Variants in RGS12 observed in about 807,000 individuals in gnomAD.
RGS12 encodes the protein regulator of G protein signaling 12.
RGS12 carries 66 observed loss-of-function variants against 120.1 expected under a neutral mutation model. The observed-to-expected ratio is 0.55, with a 90% CI of 0.45 to 0.67. The LOEUF is 0.67. RGS12 is among the 30% of genes least tolerant of loss of function. RGS12 has a pLI of 0.00. For synonymous variants in RGS12, 827 were observed against 804.7 expected, an observed-to-expected ratio of 1.03 and a Z score of -0.47; for missense variants, 1,859 against 1,957.7, an observed-to-expected ratio of 0.95 and a Z score of 0.95.
At chr4:3,347,473 A>T (rs1220647572) in intron 3 of RGS12, among the ~76,000 whole-genome samples, 1 of 152,210 alleles carries the variant, frequency 6.6e-6, no homozygotes, top group East Asian at 1.9e-4. Flanking sequence ...ACATCCTTAG[A>T]TCTGGAAAAC....
intron 17 of RGS12, chr4:3,431,214 A>G: frequency 7.4e-7 from 1 of 1,359,900 alleles, no homozygotes; most frequent in South Asian, 1.7e-5. Context: ...TCTTGCAGGA[A>G]TGATACGTGG....
At chr4:3,363,639 A>G (rs881816) in intron 3 of RGS12, among the ~76,000 whole-genome samples, 107,529 of 152,008 alleles carry the variant, frequency 0.71, 39,796 homozygotes, top group African/African-American at 0.93. Context: ...CACCCGGCGC[A>G]CACTGCAGGG....
chr4:3,326,944 G>C (rs6841189), intron 2 of RGS12, among the ~76,000 whole-genome samples: 1 of 152,032 alleles, frequency 6.6e-6, no homozygotes, highest in Non-Finnish European at 1.5e-5. Context: ...AATTTTTCAC[G>C]GAAGTAGAAA....
chr4:3,343,934 G>A (rs1713527625), intron 3 of RGS12, among the ~76,000 whole-genome samples: 1 of 152,200 alleles, frequency 6.6e-6, no homozygotes, highest in East Asian at 1.9e-4. Context: ...CCTTTTACTT[G>A]TTGTATGGCA....
intron 17 of RGS12, among the ~76,000 whole-genome samples, chr4:3,438,044 G>A (rs1724976289): frequency 6.6e-6 from 1 of 152,188 alleles, no homozygotes; most frequent in African/African-American, 2.4e-5. Flanking sequence ...GTAGATCGAG[G>A]AGGGTCTTCA....
chr4:3,349,640 T>C (rs1048430526), intron 3 of RGS12, among the ~76,000 whole-genome samples: 2 of 152,170 alleles, frequency 1.3e-5, no homozygotes, highest in African/African-American at 4.8e-5. Flanking sequence ...TACTGAAATA[T>C]ATATATGTAA....
intron 17 of RGS12, among the ~76,000 whole-genome samples, chr4:3,435,679 C>T (rs1724745005): frequency 6.6e-6 from 1 of 152,128 alleles, no homozygotes; most frequent in South Asian, 2.1e-4. Flanking sequence ...TCCACAGCCC[C>T]CAGCCTGGTT....
chr4:3,359,942 G>T (rs767685482), intron 3 of RGS12, among the ~76,000 whole-genome samples: 9 of 152,022 alleles, frequency 5.9e-5, no homozygotes, highest in Non-Finnish European at 1.2e-4. Flanking sequence ...CATTTTTTTT[G>T]TAGAGCTGGA....
At position 3,307,497 on chromosome 4, in the gene RGS12, C is replaced by G. The variant is rs571165638; in HGVS notation, c.-101-8573C>G. Among the ~76,000 whole-genome samples the G allele has an allele frequency of 4.6e-5, 7 of 152,324 alleles. 1 individual carries two copies. Among genetic ancestry groups the G allele is most frequent in the African/African-American group, 1.7e-4 (7 of 41,570 alleles). On this transcript the variant is annotated intron_variant, in intron 1 of 17. Transcript: ENST00000336727. ...CCCTCTTACTTTTACTTTTTTAGTA[C>G]AAAAAAGTTCTTTTTAGAAAATGTA...
intron 17 of RGS12, among the ~76,000 whole-genome samples, chr4:3,434,287 C>A (rs4690013): frequency 0.37 from 56,724 of 151,892 alleles, 10,885 homozygotes; most frequent in East Asian, 0.46. Flanking sequence ...CATGGGGGGA[C>A]CTGCCCCCAT....
At position 3,374,503 on chromosome 4, in the gene RGS12, T is replaced by C. The variant is rs1251100892; in HGVS notation, c.1999-11913T>C. 6.6e-6 allele frequency among the ~76,000 whole-genome samples: 1 copy of C among 151,960 alleles called. No homozygotes were observed. The highest frequency in any genetic ancestry group is 2.4e-5 in the African/African-American group (1 of 41,354). ...GTGACAGGTCCACATCTTCTCACCG[T>C]CTCTCCTCGGACATCCAGGAGGCCC... On this transcript the variant is annotated intron_variant, in intron 3 of 17. Transcript: ENST00000336727. This position sits in a 1 kb window ranked among gnomAD's most constrained non-coding sequence, Gnocchi z 6.3.
At chr4:3,392,702 A>G (rs1042429571) in intron 4 of RGS12, among the ~76,000 whole-genome samples, 27 of 152,052 alleles carry the variant, frequency 1.8e-4, no homozygotes, top group African/African-American at 6.3e-4. Flanking sequence ...AACCCCAAAA[A>G]TGTTGGCTGG....
At chr4:3,354,988 C>A (rs1332658345) in intron 3 of RGS12, among the ~76,000 whole-genome samples, 1 of 152,086 alleles carries the variant, frequency 6.6e-6, no homozygotes, top group East Asian at 1.9e-4. Flanking sequence ...AAAAATCTGA[C>A]AAAGGACATA....
intron 1 of RGS12, among the ~76,000 whole-genome samples, chr4:3,309,587 G>T (rs1724208305): frequency 7.5e-6 from 1 of 133,740 alleles, no homozygotes; most frequent in African/African-American, 3.1e-5. Context: ...GAGGGGAACT[G>T]TGTTGAGGAG....
At chr4:3,318,198 T>A in intron 2 of RGS12, 147 bp downstream of exon 2, 1 of 695,430 alleles carries the variant, frequency 1.4e-6, no homozygotes, top group African/African-American at 1.8e-5. Flanking sequence ...GGTGTCTGCG[T>A]TGCCTGTGGG....
upstream of RGS12, among the ~76,000 whole-genome samples, chr4:3,288,408 C>T (rs1227445313): frequency 6.6e-6 from 1 of 152,158 alleles, no homozygotes; most frequent in Non-Finnish European, 1.5e-5. The surrounding 1 kb of genome is among the most constrained non-coding windows in gnomAD (Gnocchi z 5.2). Flanking sequence ...CCCCTCTGGG[C>T]CTGGCTTCCT....
chr4:3,383,010 G>A (rs1718427965), intron 3 of RGS12, among the ~76,000 whole-genome samples: 2 of 151,992 alleles, frequency 1.3e-5, no homozygotes, highest in Non-Finnish European at 2.9e-5. Context: ...ACTCATATTC[G>A]AGTGGGCTCA....
At chr4:3,403,579 CTT>C (rs1317879026) in intron 4 of RGS12, among the ~76,000 whole-genome samples, 3 of 152,226 alleles carry the variant, frequency 2.0e-5, no homozygotes, top group African/African-American at 7.2e-5. Context: ...CATGTAAACA[CTT>C]TTCTGAGGAG....
chr4:3,323,203 G>A (rs1725321032), intron 2 of RGS12, among the ~76,000 whole-genome samples: 1 of 152,268 alleles, frequency 6.6e-6, no homozygotes, highest in South Asian at 2.1e-4. Flanking sequence ...TCCCGGGAGG[G>A]GTGCCGTGGC....
Sources: gnomAD v4.1 joint callset for allele counts (sites outside exome capture counted in the v4.1 genomes callset) on GRCh38, gnomAD v4.1.1 for gene constraint, Gnocchi (gnomAD v3.1) non-coding constraint, MANE v1.5 for transcripts, NCBI Gene and HGNC (gene_info 2026-07-23, HGNC 2026-07-21) for gene names.